KANK1: variants seen among roughly 807,000 people sequenced by gnomAD.
KANK1 encodes the protein KN motif and ankyrin repeat domain-containing protein 1.
In KANK1, 109 loss-of-function variants were observed where a neutral mutation model predicts 106.2. The ratio of observed to expected loss-of-function variants is 1.03; its 90% CI spans 0.88 to 1.20. KANK1 has a LOEUF of 1.20. Among genes scored for constraint, KANK1 ranks in the 50% most tolerant of loss-of-function variants. The pLI is 0.00. For synonymous variants in KANK1, 873 were observed against 652.2 expected (o/e 1.34, Z -5.16); for missense variants, 2,399 against 1,710.7 (o/e 1.40, Z -7.10).
At chr9:720,613 C>T (rs1829051623) in intron 3 of KANK1, among the ~76,000 whole-genome samples, 1 of 152,236 alleles carries the variant, frequency 6.6e-6, no homozygotes, top group Non-Finnish European at 1.5e-5. Flanking sequence ...ACCTCAGCCT[C>T]ACTAAGTGCT....
At chr9:706,946 C>T in intron 2 of KANK1, 1 of 985,498 alleles carries the variant, frequency 1.0e-6, no homozygotes, top group Non-Finnish European at 1.2e-6. Flanking sequence ...TAAAAATCAG[C>T]TGGCAAAGCG....
chr9:734,910 A>G, intron 7 of KANK1, 75 bp downstream of exon 7: 5 of 1,039,924 alleles, frequency 4.8e-6, no homozygotes, highest in Non-Finnish European at 7.5e-6. Flanking sequence ...GGCCAGCTGT[A>G]GGCTGCCCGA....
chr9:647,905 G>C (rs185591542), intron 1 of KANK1, among the ~76,000 whole-genome samples: 1 of 150,492 alleles, frequency 6.6e-6, no homozygotes, highest in African/African-American at 2.5e-5. Context: ...TAAAGGACCC[G>C]GTTGACCCAG....
chr9:711,516 C>T lies in KANK1; in HGVS notation c.750C>T (p.Thr250=), dbSNP rs769793089. 3.7e-6 allele frequency: 6 copies of T among 1,613,958 alleles called. No homozygotes were observed. The highest frequency in any genetic ancestry group is 1.7e-4 in the Middle Eastern group (1 of 6,058). The part of the protein sequence containing the change: ...RHSPLSSGIS[T]PVTNVSPMHL... ...GCCCCCTGAGCTCAGGGATCTCCAC[C>T]CCAGTGACCAACGTGAGCCCCATGC... Residue 250 remains threonine (T), a synonymous_variant, in exon 3 of 12, where the codon ACC becomes ACT. Coordinates refer to ENST00000382297, the MANE Select transcript of KANK1 (RefSeq NM_015158.5).
intron 1 of KANK1, among the ~76,000 whole-genome samples, chr9:578,496 G>A (rs117447061): frequency 0.016 from 2,373 of 151,974 alleles, 23 homozygotes; most frequent in Non-Finnish European, 0.026. Context: ...GGGAGGGGGT[G>A]CAGTCCTCTA....
chr9:685,457 G>C (rs982043205), intron 2 of KANK1: 3 of 152,178 alleles, frequency 2.0e-5, no homozygotes, highest in Admixed American at 6.5e-5. Context: ...AGGGAGAGCT[G>C]TGCTAAGGGA....
At chr9:701,571 C>T (rs1822679005) in intron 2 of KANK1, among the ~76,000 whole-genome samples, 1 of 152,148 alleles carries the variant, frequency 6.6e-6, no homozygotes, top group African/African-American at 2.4e-5. Flanking sequence ...AAAATGTGTG[C>T]AGCAGCTCTG....
At position 648,690 on chromosome 9, in the gene KANK1, G is replaced by A. The variant is rs147310732; in HGVS notation, c.-83-28200G>A. Among the ~76,000 whole-genome samples the A allele has an allele frequency of 9.9e-5, 15 of 152,248 alleles. No homozygotes were observed. In the East Asian group the frequency reaches 2.7e-3, roughly 27 times the overall value. ...GAATCGCAGGCCAAGGGGAGCTCAC[G>A]TCTTTGAGCTTCAATTTCTTTATCT... On this transcript the variant is annotated intron_variant, in intron 1 of 11. Coordinates refer to ENST00000382297, the MANE Select transcript of KANK1 (RefSeq NM_015158.5).
chr9:477,738 C>A (rs2058130954), intron 3 of KANK1: 1 of 152,268 alleles, frequency 6.6e-6, no homozygotes, highest in Non-Finnish European at 1.5e-5. Context: ...CCAAGTGGCC[C>A]ATGCCAATAT....
chr9:544,686 C>T (rs1242647646), intron 1 of KANK1, among the ~76,000 whole-genome samples: 1 of 151,660 alleles, frequency 6.6e-6, no homozygotes, highest in Non-Finnish European at 1.5e-5. Flanking sequence ...AGGTGGAGGT[C>T]GTAGTTGAAG....
intron 1 of KANK1, among the ~76,000 whole-genome samples, chr9:636,859 G>A (rs767330958): frequency 2.6e-5 from 4 of 152,304 alleles, no homozygotes; most frequent in South Asian, 2.1e-4. Flanking sequence ...GCGAGACTCC[G>A]TCTCAAAATA....
rs771339302 is a variant in KANK1, at chr9:712,389, C to G, written c.1623C>G (p.Ser541=). ...MDLVDTCVGT[S]VETNSVGISC... Reference sequence around the variant, plus strand: ...TGGTGGACACGTGTGTTGGGACCTCCGTGGAAACAAACAGTGTAGGCATCT... The same window carrying G: ...TGGTGGACACGTGTGTTGGGACCTCGGTGGAAACAAACAGTGTAGGCATCT... The change falls in exon 3 of 12, where the codon TCC becomes TCG. Residue 541 remains serine, a synonymous_variant. Transcript: ENST00000382297. 11 of 1,614,006 alleles carry G rather than the reference C, an allele frequency of 6.8e-6. No individual in the cohort carries two copies. The South Asian group carries it at 1.2e-4, about 18-fold the overall frequency.
intron 1 of KANK1, among the ~76,000 whole-genome samples, chr9:553,171 G>C (rs1231101412): frequency 6.6e-6 from 1 of 152,052 alleles, no homozygotes; most frequent in Non-Finnish European, 1.5e-5. Context: ...TTGTAATTTT[G>C]TCACCTTTAT....
chr9:529,196 C>T (rs1429961914), intron 1 of KANK1, among the ~76,000 whole-genome samples: 1 of 151,766 alleles, frequency 6.6e-6, no homozygotes, highest in Non-Finnish European at 1.5e-5. Flanking sequence ...AACTGGTATT[C>T]CTCCTTCCAG....
At chr9:612,171 A>G (rs1372250806) in intron 1 of KANK1, among the ~76,000 whole-genome samples, 1 of 152,220 alleles carries the variant, frequency 6.6e-6, no homozygotes, top group Non-Finnish European at 1.5e-5. Context: ...GTTAATAGGA[A>G]ACTATCTGTT....
intron 3 of KANK1, among the ~76,000 whole-genome samples, chr9:498,736 A>T: frequency 6.6e-6 from 1 of 152,352 alleles, no homozygotes; most frequent in South Asian, 2.1e-4. Flanking sequence ...ATACTACTTC[A>T]TAGCCACTAG....
Position 717,963 on chromosome 9 carries a change from CTCTTAGTTA to C in KANK1, c.2698+4508_2698+4516del, listed in dbSNP as rs990787013. ...TTTAAAATCAGCTTCCGTATTTATA[CTCTTAGTTA>C]TCTTAGTTCATCAAAAGTTAATGAA... On this transcript the variant is annotated intron_variant, in intron 3 of 11. Coordinates refer to ENST00000382297, the MANE Select transcript of KANK1 (RefSeq NM_015158.5). Among the ~76,000 whole-genome samples, 59 of 152,164 alleles carry C rather than the reference CTCTTAGTTA, an allele frequency of 3.9e-4. 1 individual carries two copies. The highest frequency in any genetic ancestry group is 1.4e-3 in the African/African-American group (57 of 41,460).
intron 2 of KANK1, among the ~76,000 whole-genome samples, chr9:685,710 A>G (rs1318131586): frequency 6.6e-6 from 1 of 152,134 alleles, no homozygotes; most frequent in Non-Finnish European, 1.5e-5. Flanking sequence ...CTTTTTCATG[A>G]TTTTATTCCA....
At chr9:660,090 T>C in intron 1 of KANK1, 1 of 428,332 alleles carries the variant, frequency 2.3e-6, no homozygotes. Context: ...TAAGAATTCA[T>C]CCAACAGAGA....
Sources: allele counts gnomAD v4.1 joint callset (sites outside exome capture counted in the v4.1 genomes callset), GRCh38; gene constraint gnomAD v4.1.1; transcripts MANE v1.5; gene names NCBI Gene and HGNC (gene_info 2026-07-23, HGNC 2026-07-21).